The following IFT81 variants were observed in gnomAD, a reference collection of about 807,000 sequenced individuals.
IFT81 encodes the protein intraflagellar transport protein 81 homolog.
IFT81 carries 72 observed loss-of-function variants against 102.6 expected under a neutral mutation model. The ratio of observed to expected loss-of-function variants is 0.70; its 90% confidence interval spans 0.58 to 0.85. The LOEUF (loss-of-function observed/expected upper bound fraction) is 0.85. IFT81 is among the 40% of genes least tolerant of loss of function. The probability of loss-of-function intolerance (pLI) is 0.00; values close to 1 mark genes in which losing one functional copy is unlikely to be tolerated. For missense variants in IFT81, 723 were observed against 787.3 expected, an observed-to-expected ratio of 0.92 and a Z score of 0.98; for synonymous variants, 237 against 242.7, an observed-to-expected ratio of 0.98 and a Z score of 0.22.
intron 4 of IFT81, among the ~76,000 whole-genome samples, chr12:110,129,587 C>T (rs1051784935): frequency 6.6e-6 from 1 of 152,024 alleles, no homozygotes; most frequent in African/African-American, 2.4e-5. Context: ...AGGCAAAGAA[C>T]CTAGGCTTGC....
At chr12:110,189,773 C>T (rs911072583) in intron 12 of IFT81, among the ~76,000 whole-genome samples, 7 of 152,156 alleles carry the variant, frequency 4.6e-5, no homozygotes, top group Admixed American at 1.3e-4. Context: ...CTAGTCTTCC[C>T]CATTCTTCTT....
At chr12:110,125,130 C>T (rs1285730517) in intron 1 of IFT81, among the ~76,000 whole-genome samples, 1 of 151,982 alleles carries the variant, frequency 6.6e-6, no homozygotes, top group Non-Finnish European at 1.5e-5. Context: ...ATTTCTAAAT[C>T]ATTTAAAATG....
chr12:110,209,302 C>T (rs1052218173), intron 18 of IFT81, 86 bp downstream of exon 18: 14 of 572,350 alleles, frequency 2.4e-5, no homozygotes, highest in African/African-American at 2.1e-4. Flanking sequence ...TCATTGTTTT[C>T]AAAAGGTCAT....
At chr12:110,161,646 A>G (rs867851051) in intron 10 of IFT81, among the ~76,000 whole-genome samples, 1 of 149,188 alleles carries the variant, frequency 6.7e-6, no homozygotes, top group African/African-American at 2.5e-5. Context: ...TAGAGTCAGG[A>G]TCTCACTATG....
chr12:110,202,554 G>A (rs993161318), intron 14 of IFT81, among the ~76,000 whole-genome samples: 3 of 151,648 alleles, frequency 2.0e-5, no homozygotes, highest in Non-Finnish European at 4.4e-5. Context: ...CCAGGTTCAA[G>A]TGATTCTCCT....
At chr12:110,140,231 C>T (rs907938995) in intron 8 of IFT81, among the ~76,000 whole-genome samples, 2 of 152,202 alleles carry the variant, frequency 1.3e-5, no homozygotes, top group African/African-American at 2.4e-5. Context: ...TTTTAAGCTC[C>T]GCACACATTA....
chr12:110,150,346 G>GA (rs1334241651), intron 10 of IFT81, among the ~76,000 whole-genome samples: 1 of 151,914 alleles, frequency 6.6e-6, no homozygotes, highest in African/African-American at 2.4e-5. Flanking sequence ...CAAAGTGCTG[G>GA]AATTACAGGT....
intron 4 of IFT81, among the ~76,000 whole-genome samples, chr12:110,129,556 T>C (rs1482582597): frequency 6.6e-6 from 1 of 152,060 alleles, no homozygotes; most frequent in Non-Finnish European, 1.5e-5. Context: ...AATTGGGACA[T>C]GTGAGGTCCT....
chr12:110,142,157 T>C (rs1255159009), intron 8 of IFT81, among the ~76,000 whole-genome samples: 1 of 152,092 alleles, frequency 6.6e-6, no homozygotes, highest in African/African-American at 2.4e-5. Flanking sequence ...AGATACTTTG[T>C]TTCTTTTTTC....
intron 14 of IFT81, among the ~76,000 whole-genome samples, chr12:110,195,604 A>G (rs1159768489): frequency 1.3e-5 from 2 of 152,152 alleles, no homozygotes; most frequent in Non-Finnish European, 2.9e-5. Context: ...GTCACTGCAT[A>G]TAACATTTAC....
chr12:110,173,378 G>A (rs1380011327), intron 11 of IFT81, among the ~76,000 whole-genome samples: 8 of 147,508 alleles, frequency 5.4e-5, no homozygotes, highest in Admixed American at 1.3e-4. Flanking sequence ...CGCCTCGTCC[G>A]GGAGGTGAGG....
chr12:110,205,657 A>C lies in IFT81; in HGVS notation c.1779A>C (p.Gln593His), dbSNP rs780533104. ...TGAAGGCATATATCTCTTCTGATCA[A>C]CAAGAAAAAAGAAAGGCAATTAGGC... is the stretch of plus-strand genomic sequence containing the variant. ...DEMKAYISSD[Q>H]QEKRKAIREQ... is the part of the protein sequence containing the mutation. Residue 593 changes from glutamine to histidine, a missense_variant, in exon 17 of 19, where the codon CAA (glutamine) becomes CAC (histidine). Gln to His is a conservative substitution (Grantham distance 24, BLOSUM62 0). Coordinates refer to ENST00000242591, the MANE Select transcript of IFT81 (RefSeq NM_014055.4). 2 of 1,590,422 alleles carry C rather than the reference A, an allele frequency of 1.3e-6. No individual in the cohort carries two copies. Among genetic ancestry groups the C allele is most frequent in the Admixed American group, 1.8e-5 (1 of 54,966 alleles).
At chr12:110,152,975 A>G (rs550915696) in intron 10 of IFT81, among the ~76,000 whole-genome samples, 3 of 152,298 alleles carry the variant, frequency 2.0e-5, no homozygotes, top group East Asian at 3.9e-4. Flanking sequence ...CTCTGTTGAC[A>G]GTGTCTTTTG....
At position 110,173,391 on chromosome 12, in the gene IFT81, C is replaced by T. The variant is rs1201603348; in HGVS notation, c.1189-7031C>T. ...GCCGCCTCGTCCGGGAGGTGAGGGG[C>T]GCCTCTGCCCGGCCGCCCCTACTGG... On this transcript the variant is annotated intron_variant, in intron 11 of 18. Coordinates refer to ENST00000242591, the MANE Select transcript of IFT81 (RefSeq NM_014055.4). Among the ~76,000 whole-genome samples, 3 of 151,322 alleles carry T rather than the reference C, an allele frequency of 2.0e-5. No homozygotes were observed. The East Asian group carries it at 5.9e-4, about 30-fold the overall frequency.
At chr12:110,135,914 C>CACTTTTTGG (rs1375756480) in intron 7 of IFT81, among the ~76,000 whole-genome samples, 2 of 151,204 alleles carry the variant, frequency 1.3e-5, no homozygotes, top group Non-Finnish European at 2.9e-5. Context: ...ACAACAATAC[C>CACTTTTTGG]ACTTTTTGGG....
In IFT81 at chr12:110,135,388, AAGAG is replaced by A. The variant is rs748009402; in HGVS notation, c.653_656del (p.Arg218LysfsTer29). On this transcript the variant is annotated frameshift_variant, in exon 7 of 19. Transcript: ENST00000242591. LOFTEE classifies it high-confidence loss of function. Reference sequence around the variant, plus strand: ...ATAGCAAGGCAACTTCGAGTTGAAAAAGAGAGAGAAGAATATCTTGCACAACAGA... The same window carrying A: ...ATAGCAAGGCAACTTCGAGTTGAAAAAGAGAAGAATATCTTGCACAACAGA... 5 of 1,613,400 alleles carry A rather than the reference AAGAG, an allele frequency of 3.1e-6. No individual in the cohort carries two copies. Among genetic ancestry groups the A allele is most frequent in the South Asian group, 2.2e-5 (2 of 91,018 alleles).
Position 110,190,965 on chromosome 12 carries a change from C to T in IFT81, c.1384C>T (p.Gln462Ter). The change falls in exon 13 of 19, where the codon CAA becomes TAA. Residue 462 changes from glutamine (Q) to a stop codon, truncating the protein, a stop_gained. Transcript: ENST00000242591. LOFTEE classifies it high-confidence loss of function. Reference protein sequence around the residue: ...KKGISGYSYTQEELERVSALK... With the variant: ...KKGISGYSYT Reference sequence around the variant, plus strand: ...GGGTATATCTGGATATAGTTACACCCAAGAAGAGCTAGAAAGAGTATCTGC... The same window carrying T: ...GGGTATATCTGGATATAGTTACACCTAAGAAGAGCTAGAAAGAGTATCTGC... 1 of 1,606,544 alleles carries T rather than the reference C, an allele frequency of 6.2e-7. No homozygotes were observed. The highest frequency in any genetic ancestry group is 8.5e-7 in the Non-Finnish European group (1 of 1,176,752).
At chr12:110,161,222 C>T (rs535560367) in intron 10 of IFT81, among the ~76,000 whole-genome samples, 13 of 151,132 alleles carry the variant, frequency 8.6e-5, no homozygotes, top group Middle Eastern at 3.4e-3. Context: ...CTCACTGCAG[C>T]CTCTGCCTCC....
rs201182007 is a variant in IFT81, at chr12:110,135,382, T to C, written c.641T>C (p.Val214Ala). 24 of 1,613,196 alleles carry C rather than the reference T, an allele frequency of 1.5e-5. No individual in the cohort carries two copies. The African/African-American group carries it at 1.7e-4, about 12-fold the overall frequency. Residue 214 changes from valine to alanine, a missense_variant, in exon 7 of 19, where the codon GTT (valine) becomes GCT (alanine). Coordinates refer to ENST00000242591, the MANE Select transcript of IFT81 (RefSeq NM_014055.4). ...WMLKIARQLR[V>A]EKEREEYLAQ... ...CTTAAAATAGCAAGGCAACTTCGAG[T>C]TGAAAAAGAGAGAGAAGAATATCTT...
Sources: allele counts gnomAD v4.1 joint callset (sites outside exome capture counted in the v4.1 genomes callset), GRCh38; gene constraint gnomAD v4.1.1; transcripts MANE v1.5; gene names NCBI Gene and HGNC (gene_info 2026-07-23, HGNC 2026-07-21).